IL2RB: variants seen among roughly 807,000 people sequenced by gnomAD.
The protein encoded by IL2RB is interleukin-2 receptor subunit beta.
In IL2RB, 17 loss-of-function variants were observed where a neutral mutation model predicts 44.2. The observed-to-expected ratio is 0.38, with a 90% CI of 0.26 to 0.58. The LOEUF (loss-of-function observed/expected upper bound fraction) is 0.58. Among genes scored for constraint, IL2RB ranks in the 20% least tolerant of loss-of-function variants. IL2RB has a pLI of 0.63. For synonymous variants in IL2RB, 286 were observed against 297.9 expected (o/e 0.96, Z 0.41); for missense variants, 624 against 685.5 (o/e 0.91, Z 1.00).
At chr22:37,165,287 G>T (rs75680301) in intron 1 of IL2RB, among the ~76,000 whole-genome samples, 2,776 of 152,332 alleles carry the variant, frequency 0.018, 97 homozygotes, top group African/African-American at 0.064. Flanking sequence ...TTGAGCTATG[G>T]CTGGCCGCAT....
intron 1 of IL2RB, among the ~76,000 whole-genome samples, chr22:37,158,345 C>T (rs1006571381): frequency 6.6e-6 from 1 of 151,890 alleles, no homozygotes; most frequent in African/African-American, 2.4e-5. Context: ...GTCAGGAGAT[C>T]GAGACCAGCC....
chr22:37,159,423 C>G (rs891468566), intron 1 of IL2RB, among the ~76,000 whole-genome samples: 5 of 152,094 alleles, frequency 3.3e-5, no homozygotes, highest in Non-Finnish European at 5.9e-5. Context: ...AAGCGGCCAC[C>G]CTGGGCTCGC....
At chr22:37,155,022 A>G (rs1336123855) in intron 1 of IL2RB, among the ~76,000 whole-genome samples, 2 of 152,078 alleles carry the variant, frequency 1.3e-5, no homozygotes, top group South Asian at 2.1e-4. Context: ...ATAAACCTCT[A>G]TTGTTGGGCC....
intron 1 of IL2RB, chr22:37,174,811 C>T (rs956617475): frequency 2.6e-5 from 4 of 152,198 alleles, no homozygotes; most frequent in African/African-American, 9.7e-5. Flanking sequence ...ACACCTGGAC[C>T]CAGAACAGAA....
At chr22:37,159,396 G>A (rs1032141522) in intron 1 of IL2RB, among the ~76,000 whole-genome samples, 4 of 152,100 alleles carry the variant, frequency 2.6e-5, no homozygotes, top group South Asian at 2.1e-4. Context: ...GATGCCCTCC[G>A]TCAGGCCTGG....
Position 37,144,243 on chromosome 22 carries a change from C to A in IL2RB, c.-33-38G>T, listed in dbSNP as rs563391088. On this transcript the variant is annotated intron_variant, in intron 1 of 9. Coordinates refer to ENST00000216223, the MANE Select transcript of IL2RB (RefSeq NM_000878.5). ...GAGAAAGAGAGAGCACACGTAAATA[C>A]ACATCCCAGGCCTCGCTGCCCCTAG... 2.0e-6 allele frequency: 3 copies of A among 1,511,254 alleles called. No individual in the cohort carries two copies. The African/African-American group carries it at 4.2e-5, about 21-fold the overall frequency. The allele number at this position is 1,511,254 out of a possible 1,614,324, so 93.6% of individuals were successfully genotyped here.
rs1922065720 is a variant in IL2RB, at chr22:37,143,491, A to T, written c.203+30T>A. On this transcript the variant is annotated intron_variant, in intron 3 of 9. Transcript: ENST00000216223. Reference sequence around the variant, plus strand: ...CCAGAATATGAGATCCCACCATCCTAAGATTCTGCAGTGTGGCCAGTGGAC... The same window carrying T: ...CCAGAATATGAGATCCCACCATCCTTAGATTCTGCAGTGTGGCCAGTGGAC... 2.8e-6 allele frequency: 4 copies of T among 1,409,426 alleles called. No homozygotes were observed. In the East Asian group the frequency reaches 9.1e-5, roughly 32 times the overall value. The allele number at this position is 1,409,426 out of a possible 1,614,324, so 87.3% of individuals were successfully genotyped here.
At chr22:37,153,534 G>A (rs1326486677), upstream of IL2RB, among the ~76,000 whole-genome samples, 2 of 152,184 alleles carry the variant, frequency 1.3e-5, no homozygotes, top group Non-Finnish European at 2.9e-5. Flanking sequence ...TTGCTGTAAG[G>A]GCCAGTTCCT....
At chr22:37,167,991 C>G (rs1031106915) in intron 1 of IL2RB, among the ~76,000 whole-genome samples, 1 of 152,212 alleles carries the variant, frequency 6.6e-6, no homozygotes, top group South Asian at 2.1e-4. Flanking sequence ...CACCTGCTGG[C>G]AGCAGCATGC....
chr22:37,154,291 G>A (rs78582734), upstream of IL2RB, among the ~76,000 whole-genome samples: 2,081 of 152,282 alleles, frequency 0.014, 46 homozygotes, highest in African/African-American at 0.047. Context: ...AGGGGGCTAC[G>A]CAGAGAATGA....
upstream of IL2RB, among the ~76,000 whole-genome samples, chr22:37,154,464 A>C (rs956918056): frequency 1.2e-4 from 18 of 151,100 alleles, no homozygotes; most frequent in African/African-American, 4.5e-4. Context: ...TCCAGAACCA[A>C]GTCTGGCTAA....
At chr22:37,172,377 C>G (rs1271069959) in intron 1 of IL2RB, among the ~76,000 whole-genome samples, 1 of 152,210 alleles carries the variant, frequency 6.6e-6, no homozygotes. Context: ...CCATCAGCTC[C>G]TGGCTGCGGT....
intron 1 of IL2RB, among the ~76,000 whole-genome samples, chr22:37,169,259 A>T (rs1486210295): frequency 6.9e-6 from 1 of 145,130 alleles, no homozygotes; most frequent in Non-Finnish European, 1.5e-5. Context: ...GGTTCTGTTT[A>T]CAGAGGGGTT....
upstream of IL2RB, among the ~76,000 whole-genome samples, chr22:37,151,509 G>A (rs1336996167): frequency 6.6e-6 from 1 of 152,088 alleles, no homozygotes; most frequent in Admixed American, 6.5e-5. Flanking sequence ...CCATTCTGTG[G>A]GTTGTCTCTT....
At chr22:37,168,996 G>A (rs568641941) in intron 1 of IL2RB, among the ~76,000 whole-genome samples, 7 of 151,870 alleles carry the variant, frequency 4.6e-5, no homozygotes, top group African/African-American at 1.7e-4. Flanking sequence ...CTTGTTTACA[G>A]AGGGATGCTG....
intron 8 of IL2RB, among the ~76,000 whole-genome samples, chr22:37,134,297 T>G (rs1921581250): frequency 6.6e-6 from 1 of 152,150 alleles, no homozygotes; most frequent in Non-Finnish European, 1.5e-5. Flanking sequence ...ACGCAAATAT[T>G]CTGCTGTGTT....
At chr22:37,135,580 C>T in intron 7 of IL2RB, 138 bp from the exon 8 acceptor site, 1 of 606,710 alleles carries the variant, frequency 1.6e-6, no homozygotes, top group Non-Finnish European at 2.9e-6. Flanking sequence ...CAGGGTTCTG[C>T]TAAGCCCATC....
intron 1 of IL2RB, 92 bp downstream of exon 1, chr22:37,149,733 A>C: frequency 1.9e-6 from 1 of 521,096 alleles, no homozygotes; most frequent in Non-Finnish European, 2.5e-6. Context: ...TGCTGGGGGA[A>C]CTGAGTCAGA....
At chr22:37,138,771 A>G (rs921641093) in intron 5 of IL2RB, among the ~76,000 whole-genome samples, 5 of 152,126 alleles carry the variant, frequency 3.3e-5, no homozygotes, top group African/African-American at 9.7e-5. Context: ...GTGAGTGGGA[A>G]TTTTCCAGGT....
Sources: allele counts gnomAD v4.1 joint callset (sites outside exome capture counted in the v4.1 genomes callset), GRCh38; gene constraint gnomAD v4.1.1; transcripts MANE v1.5; gene names NCBI Gene and HGNC (gene_info 2026-07-23, HGNC 2026-07-21).